Variants in DENND4A observed in about 807,000 individuals in gnomAD.
DENND4A encodes DENN domain containing 4A.
A neutral mutation model predicts 199.3 loss-of-function variants in DENND4A; 70 were observed. The observed-to-expected ratio is 0.35, with a 90% CI of 0.29 to 0.43. DENND4A has a LOEUF of 0.43. Among genes scored for constraint, DENND4A ranks in the 20% least tolerant of loss-of-function variants. The probability of loss-of-function intolerance (pLI) is 1.00; values close to 1 mark genes in which losing one functional copy is unlikely to be tolerated. For missense variants in DENND4A, 1,723 were observed against 2,255.8 expected (o/e 0.76, Z 4.78); for synonymous variants, 686 against 766.9 (o/e 0.89, Z 1.74).
intron 1 of DENND4A, chr15:65,771,083 G>A: frequency 8.0e-7 from 1 of 1,256,796 alleles, no homozygotes; most frequent in Non-Finnish European, 1.1e-6. Flanking sequence ...TTCAGTATCA[G>A]ATCTTTCCCT....
chr15:65,698,759 C>CA (rs2077246321), intron 20 of DENND4A, among the ~76,000 whole-genome samples: 1 of 94,678 alleles, frequency 1.1e-5, no homozygotes, highest in Non-Finnish European at 1.9e-5. Context: ...TTTTTTGAGA[C>CA]AGAGTCTCAA....
Position 65,690,666 on chromosome 15 carries a change from T to C in DENND4A, c.3928A>G (p.Lys1310Glu). The part of the protein sequence containing the change: ...SPKPVRLTKS[K>E]SYTKSEEKPR... ...TTCTCCTCACTTTTTGTGTAACTTT[T>C]AGATTTGGTAAGTCTCACTGGCTTA... The change falls in exon 23 of 33, where the codon AAA becomes GAA. Residue 1310 changes from lysine (K) to glutamate (E), a missense_variant. This residue lies in a region of DENND4A where 650 missense variants were observed against 738.1 expected (regional missense o/e 0.88). Transcript: ENST00000443035. 6.2e-7 allele frequency: 1 copy of C among 1,613,728 alleles called. No individual in the cohort carries two copies. Among genetic ancestry groups the C allele is most frequent in the Non-Finnish European group, 8.5e-7 (1 of 1,179,766 alleles).
At chr15:65,714,177 C>T (rs978538036) in intron 14 of DENND4A, among the ~76,000 whole-genome samples, 6 of 151,798 alleles carry the variant, frequency 4.0e-5, no homozygotes, top group Admixed American at 6.6e-5. Context: ...TTTGGGAGGC[C>T]GAGGCGGGCA....
chr15:65,713,738 T>C (rs1315145357), intron 14 of DENND4A, among the ~76,000 whole-genome samples: 1 of 152,228 alleles, frequency 6.6e-6, no homozygotes, highest in Non-Finnish European at 1.5e-5. Flanking sequence ...TCATCATTCT[T>C]AGAGCAATTC....
chr15:65,673,278 G>A (rs2076272784), intron 24 of DENND4A, among the ~76,000 whole-genome samples: 1 of 151,854 alleles, frequency 6.6e-6, no homozygotes. Context: ...GACCAGCCTG[G>A]GCAAAATGGT....
chr15:65,701,572 T>C (rs1447189064), intron 18 of DENND4A, among the ~76,000 whole-genome samples, 190 bp downstream of exon 18: 1 of 152,032 alleles, frequency 6.6e-6, no homozygotes, highest in Non-Finnish European at 1.5e-5. Context: ...TGAGACCCTG[T>C]TTCAAAGAAA....
intron 14 of DENND4A, among the ~76,000 whole-genome samples, chr15:65,712,122 G>T (rs1229986479): frequency 1.3e-5 from 2 of 152,128 alleles, no homozygotes; most frequent in Non-Finnish European, 2.9e-5. Context: ...GCATTTTCAA[G>T]AAAGAACTAG....
intron 2 of DENND4A, among the ~76,000 whole-genome samples, chr15:65,758,675 A>G (rs1026447302): frequency 3.9e-5 from 6 of 152,220 alleles, no homozygotes; most frequent in Non-Finnish European, 7.3e-5. Context: ...TACCACTATT[A>G]TAGGAAAAAA....
chr15:65,685,800 G>A (rs554964033), intron 23 of DENND4A, among the ~76,000 whole-genome samples: 1 of 152,286 alleles, frequency 6.6e-6, no homozygotes, highest in East Asian at 1.9e-4. Context: ...TTTCCCCATT[G>A]AATTGCCTTG....
Position 65,669,900 on chromosome 15 carries a change from T to C in DENND4A, c.4666A>G (p.Thr1556Ala). ...GRYFLKSSPS[T>A]ENMHFPSSIS... ...GAGGATGGAAAGTGCATATTTTCTG[T>C]TGATGGGCTTGACTTTAGAAAGTAT... The change falls in exon 27 of 33, where the codon ACA (threonine) becomes GCA (alanine). Residue 1556 changes from threonine (T) to alanine (A), a missense_variant. Thr to Ala is a moderately conservative substitution (Grantham distance 58, BLOSUM62 0). Transcript: ENST00000443035. 2.5e-6 allele frequency: 4 copies of C among 1,613,944 alleles called. No individual in the cohort carries two copies. The highest frequency in any genetic ancestry group is 3.4e-6 in the Non-Finnish European group (4 of 1,179,838).
intron 4 of DENND4A, 27 bp downstream of exon 4, chr15:65,752,352 T>C: frequency 7.0e-7 from 1 of 1,422,684 alleles, no homozygotes; most frequent in South Asian, 1.5e-5. Context: ...CAGTGGTTAA[T>C]GTTACCAGTG....
chr15:65,736,391 A>G (rs79284795), intron 7 of DENND4A, among the ~76,000 whole-genome samples: 2,635 of 151,572 alleles, frequency 0.017, 37 homozygotes, highest in Non-Finnish European at 0.025. Flanking sequence ...TCCAGAGTAG[A>G]TGAGATTACA....
At chr15:65,741,691 T>C in intron 5 of DENND4A, 24 bp downstream of exon 5, 1 of 1,594,898 alleles carries the variant, frequency 6.3e-7, no homozygotes, top group Middle Eastern at 1.7e-4. Context: ...ATATATGAAG[T>C]ATTGCATGAA....
rs556271319 is a variant in DENND4A, at chr15:65,673,796, T to A, written c.4370-1910A>T. On this transcript the variant is annotated intron_variant, in intron 24 of 32. Transcript: ENST00000443035. ...TTGATGCTTCTTCCCAAAAACCTTCTGTAATCCCTCTGCTACAGCTAGTTC... is the reference window on the plus strand; with the variant it reads ...TTGATGCTTCTTCCCAAAAACCTTCAGTAATCCCTCTGCTACAGCTAGTTC... Among the ~76,000 whole-genome samples, 11 of 152,306 alleles carry A rather than the reference T, an allele frequency of 7.2e-5. No individual in the cohort carries two copies. The South Asian group carries it at 1.9e-3, about 26-fold the overall frequency.
chr15:65,754,198 ATCT>A (rs2076642896), intron 3 of DENND4A, among the ~76,000 whole-genome samples: 2 of 152,304 alleles, frequency 1.3e-5, no homozygotes, highest in South Asian at 4.1e-4. Flanking sequence ...TTAAAAAAAA[ATCT>A]TCTCAATATT....
At position 65,707,682 on chromosome 15, in the gene DENND4A, T is replaced by C. The variant is rs926205927; in HGVS notation, c.1954-1458A>G. 3.3e-5 allele frequency among the ~76,000 whole-genome samples: 5 copies of C among 151,400 alleles called. No individual in the cohort carries two copies. The South Asian group carries it at 1.0e-3, about 32-fold the overall frequency. On this transcript the variant is annotated intron_variant, in intron 14 of 32. Coordinates refer to ENST00000443035, the MANE Select transcript of DENND4A (RefSeq NM_001320835.1). ...GAATCAGACTACTAAATCGTATACA[T>C]ATTATGATTTTTTTTTTTTTTTGAG...
intron 24 of DENND4A, among the ~76,000 whole-genome samples, chr15:65,675,475 C>T (rs1296252421): frequency 6.6e-6 from 1 of 151,346 alleles, no homozygotes; most frequent in Non-Finnish European, 1.5e-5. Context: ...AAAAAACACC[C>T]CCAAAAAACA....
At chr15:65,760,220 G>A (rs2076816839) in intron 2 of DENND4A, among the ~76,000 whole-genome samples, 1 of 152,218 alleles carries the variant, frequency 6.6e-6, no homozygotes, top group South Asian at 2.1e-4. Context: ...AGCATGGCCA[G>A]GCGTGGTGGC....
intron 1 of DENND4A, among the ~76,000 whole-genome samples, chr15:65,763,679 C>CAAA (rs11357605): frequency 1.5e-4 from 13 of 87,534 alleles, no homozygotes; most frequent in Admixed American, 2.6e-4. Context: ...GACCTTGTCT[C>CAAA]AAAAAAAAAA....
Sources: gnomAD v4.1 joint callset for allele counts (sites outside exome capture counted in the v4.1 genomes callset) on GRCh38, gnomAD v4.1.1 for gene constraint, gnomAD v4.1.1 regional missense constraint, MANE v1.5 for transcripts, NCBI Gene and HGNC (gene_info 2026-07-23, HGNC 2026-07-21) for gene names.